The following CNTN4 variants were observed in gnomAD, a reference collection of about 807,000 sequenced individuals.
CNTN4 encodes the protein contactin 4.
Under a neutral mutation model 122.5 loss-of-function variants are expected in CNTN4, and 77 were observed. That is an observed-to-expected ratio of 0.63 (90% CI 0.52 to 0.76). CNTN4 has a LOEUF of 0.76. Among genes scored for constraint, CNTN4 ranks in the 30% least tolerant of loss-of-function variants. The pLI, the probability that CNTN4 is intolerant of heterozygous loss-of-function variation, is 0.00. For synonymous variants in CNTN4, 512 were observed against 447.0 expected, an observed-to-expected ratio of 1.15 and a Z score of -1.83; for missense variants, 1,256 against 1,259.1, an observed-to-expected ratio of 1.00 and a Z score of 0.04.
intron 3 of CNTN4, among the ~76,000 whole-genome samples, chr3:2,518,873 C>T (rs966975483): frequency 2.0e-5 from 3 of 152,072 alleles, no homozygotes; most frequent in Admixed American, 6.6e-5. Flanking sequence ...AGATTTTTCA[C>T]ATTTACATGG....
chr3:2,220,241 C>G (rs1428781426), intron 2 of CNTN4, among the ~76,000 whole-genome samples: 1 of 152,156 alleles, frequency 6.6e-6, no homozygotes, highest in East Asian at 1.9e-4. Flanking sequence ...TACACTCTCC[C>G]TTCAGTAATC....
intron 13 of CNTN4, among the ~76,000 whole-genome samples, chr3:2,927,905 A>C (rs2094488223): frequency 6.6e-6 from 1 of 152,298 alleles, no homozygotes; most frequent in South Asian, 2.1e-4. Flanking sequence ...TATTCTCCAC[A>C]TGAGTGCTGT....
At chr3:2,712,831 C>T (rs1405085682) in intron 4 of CNTN4, among the ~76,000 whole-genome samples, 1 of 152,116 alleles carries the variant, frequency 6.6e-6, no homozygotes, top group African/African-American at 2.4e-5. Flanking sequence ...GTAAAGAAGC[C>T]TTCATAAAAA....
chr3:2,224,984 A>G (rs2039215780), intron 2 of CNTN4, among the ~76,000 whole-genome samples: 1 of 151,122 alleles, frequency 6.6e-6, no homozygotes, highest in Non-Finnish European at 1.5e-5. Context: ...CCCCGTCTCT[A>G]CTAAAAAATA....
chr3:2,656,698 A>T (rs2083605538), intron 4 of CNTN4, among the ~76,000 whole-genome samples: 1 of 152,370 alleles, frequency 6.6e-6, no homozygotes, highest in South Asian at 2.1e-4. Context: ...CTGAATGTGT[A>T]TGCAGTACTA....
chr3:2,678,707 C>T (rs2600280), intron 4 of CNTN4, among the ~76,000 whole-genome samples: 66,794 of 151,998 alleles, frequency 0.44, 15,721 homozygotes, highest in African/African-American at 0.61. Context: ...AAAATAGCTC[C>T]GGATAGAATT....
At chr3:2,765,974 A>T (rs973224440) in intron 6 of CNTN4, among the ~76,000 whole-genome samples, 5 of 152,196 alleles carry the variant, frequency 3.3e-5, no homozygotes, top group Non-Finnish European at 4.4e-5. Context: ...GTGGGAGAGG[A>T]ACAGCCTTCC....
At chr3:3,007,064 G>C (rs192305855) in intron 14 of CNTN4, among the ~76,000 whole-genome samples, 1 of 152,302 alleles carries the variant, frequency 6.6e-6, no homozygotes, top group Non-Finnish European at 1.5e-5. Flanking sequence ...TAGCAGCACT[G>C]AAGTCTGAGA....
At chr3:2,828,775 C>G (rs74499340) in intron 7 of CNTN4, among the ~76,000 whole-genome samples, 1,894 of 152,222 alleles carry the variant, frequency 0.012, 42 homozygotes, top group African/African-American at 0.043. Context: ...GGATCTCACT[C>G]TATCACCTAG....
rs117668828 is a variant in CNTN4, at chr3:2,132,168, C to T, written c.-145+31529C>T. Among the ~76,000 whole-genome samples the T allele has an allele frequency of 1.7e-3, 264 of 152,256 alleles. 5 individuals are homozygous for T. In the East Asian group the frequency reaches 0.029, roughly 17 times the overall value. On this transcript the variant is annotated intron_variant, in intron 2 of 24. Coordinates refer to ENST00000418658, the MANE Select transcript of CNTN4 (RefSeq NM_175607.3). ...GCTGTGAGGAAGTCCAAGCTAACCACGTGGAGAAAGATCAATTCCTGGCCA... is the reference window on the plus strand; with the variant it reads ...GCTGTGAGGAAGTCCAAGCTAACCATGTGGAGAAAGATCAATTCCTGGCCA...
chr3:2,101,750 A>G (rs899945555), intron 2 of CNTN4, among the ~76,000 whole-genome samples: 9 of 150,698 alleles, frequency 6.0e-5, no homozygotes, highest in Admixed American at 5.9e-4. Flanking sequence ...TACACTACTT[A>G]TAAAACACAC....
At chr3:2,335,196 T>A (rs931826055) in intron 2 of CNTN4, among the ~76,000 whole-genome samples, 3 of 152,194 alleles carry the variant, frequency 2.0e-5, no homozygotes, top group Non-Finnish European at 2.9e-5. Flanking sequence ...ATTTCCTGCC[T>A]ATTTTCACAT....
rs556953801 is a variant in CNTN4, at chr3:2,533,535, T to C, written c.-88-37881T>C. Among the ~76,000 whole-genome samples the C allele has an allele frequency of 5.3e-5, 8 of 152,296 alleles. No individual in the cohort carries two copies. In the South Asian group the frequency reaches 1.7e-3, roughly 32 times the overall value. Reference sequence around the variant, plus strand: ...CACATTTTCTTAATCCAGTCTATCATTGATGGACATTTGGGTTGGTTCCAA... The same window carrying C: ...CACATTTTCTTAATCCAGTCTATCACTGATGGACATTTGGGTTGGTTCCAA... On this transcript the variant is annotated intron_variant, in intron 3 of 24. Transcript: ENST00000418658.
intron 14 of CNTN4, among the ~76,000 whole-genome samples, chr3:3,009,454 G>C (rs1574807562): frequency 6.7e-6 from 1 of 149,428 alleles, no homozygotes; most frequent in African/African-American, 2.5e-5. Flanking sequence ...TTTTTTTTGA[G>C]ATGGAGTCTT....
chr3:2,812,067 C>G (rs2092625591), intron 6 of CNTN4, among the ~76,000 whole-genome samples: 1 of 152,096 alleles, frequency 6.6e-6, no homozygotes, highest in Non-Finnish European at 1.5e-5. Context: ...CAAGTCGGAG[C>G]TAAGATGAGA....
chr3:2,905,946 G>A (rs1389034937), intron 12 of CNTN4, among the ~76,000 whole-genome samples: 2 of 152,240 alleles, frequency 1.3e-5, no homozygotes, highest in African/African-American at 4.8e-5. Context: ...TGACTCCTCA[G>A]TGGATGAATG....
chr3:2,688,091 T>C (rs2085530507), intron 4 of CNTN4, among the ~76,000 whole-genome samples: 2 of 152,146 alleles, frequency 1.3e-5, no homozygotes, highest in Non-Finnish European at 1.5e-5. Flanking sequence ...AGATAAAAAA[T>C]AAAAATCTGT....
At chr3:2,189,762 TA>T (rs2037439673) in intron 2 of CNTN4, among the ~76,000 whole-genome samples, 1 of 152,110 alleles carries the variant, frequency 6.6e-6, no homozygotes, top group Non-Finnish European at 1.5e-5. Flanking sequence ...TTAAAGTGAC[TA>T]AAATATTTTC....
intron 3 of CNTN4, among the ~76,000 whole-genome samples, chr3:2,556,513 T>C (rs1236186092): frequency 6.6e-6 from 1 of 151,948 alleles, no homozygotes; most frequent in Non-Finnish European, 1.5e-5. Flanking sequence ...TGCAGTAGGT[T>C]TTTTTATAAA....
Sources: allele counts gnomAD v4.1 joint callset (sites outside exome capture counted in the v4.1 genomes callset), GRCh38; gene constraint gnomAD v4.1.1; transcripts MANE v1.5; gene names NCBI Gene and HGNC (gene_info 2026-07-23, HGNC 2026-07-21).